The following NRG3 variants were observed in gnomAD, a reference collection of about 807,000 sequenced individuals.
The protein encoded by NRG3 is pro-neuregulin-3, membrane-bound isoform.
A neutral mutation model predicts 66.9 loss-of-function variants in NRG3; 31 were observed. That is an observed-to-expected ratio of 0.46 (90% confidence interval 0.35 to 0.63). The LOEUF (loss-of-function observed/expected upper bound fraction) is 0.63. Among genes scored for constraint, NRG3 ranks in the 20% least tolerant of loss-of-function variants. The probability of loss-of-function intolerance (pLI) is 0.00; values close to 1 mark genes in which losing one functional copy is unlikely to be tolerated. For missense variants in NRG3, 910 were observed against 878.9 expected (o/e 1.04, Z -0.45); for synonymous variants, 393 against 359.4 (o/e 1.09, Z -1.06).
intron 2 of NRG3, among the ~76,000 whole-genome samples, chr10:82,685,011 G>C (rs1370072045): frequency 6.6e-6 from 1 of 152,096 alleles, no homozygotes; most frequent in Non-Finnish European, 1.5e-5. Context: ...ACATGAATAT[G>C]GGAAGGGAGG....
chr10:82,939,883 T>G (rs907206890), intron 4 of NRG3, among the ~76,000 whole-genome samples: 3 of 151,612 alleles, frequency 2.0e-5, no homozygotes, highest in Admixed American at 6.6e-5. Flanking sequence ...AATTGCTGCC[T>G]CTTTTTATTG....
chr10:82,610,615 CT>C (rs1233906939), intron 2 of NRG3, among the ~76,000 whole-genome samples: 1 of 152,078 alleles, frequency 6.6e-6, no homozygotes, highest in Admixed American at 6.6e-5. Context: ...TTTTGTACCC[CT>C]AATACTTAAA....
chr10:82,757,146 A>C (rs1312202869), intron 3 of NRG3, among the ~76,000 whole-genome samples: 1 of 152,046 alleles, frequency 6.6e-6, no homozygotes, highest in East Asian at 1.9e-4. Context: ...TGTGTCTTAG[A>C]CTTATGTTTA....
At chr10:82,783,195 T>C (rs1191686560) in intron 3 of NRG3, among the ~76,000 whole-genome samples, 2 of 152,084 alleles carry the variant, frequency 1.3e-5, no homozygotes, top group East Asian at 1.9e-4. Context: ...TAGGTGTTGA[T>C]GGGACGTATC....
At position 82,652,619 on chromosome 10, in the gene NRG3, C is replaced by G. The variant is rs188505766; in HGVS notation, c.954-85958C>G. On this transcript the variant is annotated intron_variant, in intron 2 of 8. Coordinates refer to ENST00000372141, the MANE Select transcript of NRG3 (RefSeq NM_001010848.4). Reference sequence around the variant, plus strand: ...TGGGGTTTTTATAGGCAGAGGATGTCAGGTAGGGCAGGCCATGGGTGGTTT... The same window carrying G: ...TGGGGTTTTTATAGGCAGAGGATGTGAGGTAGGGCAGGCCATGGGTGGTTT... 7.9e-5 allele frequency among the ~76,000 whole-genome samples: 12 copies of G among 152,202 alleles called. No homozygotes were observed. The East Asian group carries it at 2.3e-3, about 30-fold the overall frequency.
chr10:82,545,653 T>C (rs2043848091), intron 2 of NRG3, among the ~76,000 whole-genome samples: 1 of 151,996 alleles, frequency 6.6e-6, no homozygotes, highest in African/African-American at 2.4e-5. Context: ...AGTGCTGGGA[T>C]TACAGGCGTG....
In NRG3 at chr10:82,072,033, G is replaced by A. The variant is rs533324898; in HGVS notation, c.823+195870G>A. On this transcript the variant is annotated intron_variant, in intron 1 of 8. Transcript: ENST00000372141. ...TTAATTACCTATTTGTTCTTCCAAT[G>A]GTTCTTTATATGTATATGTCTACTC... Among the ~76,000 whole-genome samples the A allele has an allele frequency of 2.6e-5, 4 of 152,180 alleles. No homozygotes were observed. In the East Asian group the frequency reaches 7.7e-4, roughly 29 times the overall value.
chr10:81,917,170 T>C (rs1020576793), intron 1 of NRG3, among the ~76,000 whole-genome samples: 1 of 152,168 alleles, frequency 6.6e-6, no homozygotes, highest in Non-Finnish European at 1.5e-5. Context: ...AGATTAAAAT[T>C]AAATTATTAA....
At chr10:82,869,659 G>A (rs537749066) in intron 4 of NRG3, among the ~76,000 whole-genome samples, 3 of 150,488 alleles carry the variant, frequency 2.0e-5, no homozygotes, top group South Asian at 4.2e-4. Flanking sequence ...CCAGGCTGGA[G>A]TGCAGTGGTG....
intron 1 of NRG3, among the ~76,000 whole-genome samples, chr10:82,300,741 T>G (rs886477071): frequency 6.6e-6 from 1 of 152,128 alleles, no homozygotes; most frequent in Non-Finnish European, 1.5e-5. Flanking sequence ...AGATTCCCAG[T>G]AGGTAGATTA....
At chr10:82,596,757 T>C (rs1590814000) in intron 2 of NRG3, among the ~76,000 whole-genome samples, 1 of 152,186 alleles carries the variant, frequency 6.6e-6, no homozygotes, top group Non-Finnish European at 1.5e-5. Context: ...TGGAGGCCAG[T>C]GTTTTGCAGT....
intron 2 of NRG3, among the ~76,000 whole-genome samples, chr10:82,595,766 A>G (rs894638319): frequency 6.6e-6 from 1 of 151,868 alleles, no homozygotes; most frequent in Non-Finnish European, 1.5e-5. Flanking sequence ...GTCTGGTGAC[A>G]GAGTGAGACT....
intron 1 of NRG3, among the ~76,000 whole-genome samples, chr10:82,196,134 G>T (rs913078637): frequency 1.3e-5 from 2 of 152,138 alleles, no homozygotes; most frequent in African/African-American, 4.8e-5. Context: ...TAAAACCCGT[G>T]CACAGTCACA....
chr10:81,992,931 T>C (rs879004867), intron 1 of NRG3, among the ~76,000 whole-genome samples: 1 of 152,210 alleles, frequency 6.6e-6, no homozygotes, highest in Admixed American at 6.5e-5. Context: ...TTGTGAGACT[T>C]GCAGTAATGA....
intron 1 of NRG3, among the ~76,000 whole-genome samples, chr10:82,208,291 A>G (rs778867928): frequency 5.3e-5 from 8 of 152,196 alleles, no homozygotes; most frequent in Admixed American, 2.6e-4. Context: ...TTTGGGAATA[A>G]TAAATAAAGA....
intron 1 of NRG3, among the ~76,000 whole-genome samples, chr10:81,958,447 T>TC (rs1235105782): frequency 6.6e-6 from 1 of 152,228 alleles, no homozygotes; most frequent in African/African-American, 2.4e-5. Flanking sequence ...CTTCACCTCT[T>TC]CCAAGTTTCC....
chr10:82,003,988 AACACACACACACACAC>A lies in NRG3; in HGVS notation c.823+127857_823+127872del, dbSNP rs746699197. Among the ~76,000 whole-genome samples the A allele has an allele frequency of 5.8e-3, 775 of 134,420 alleles. 5 individuals carry two copies. Among genetic ancestry groups the A allele is most frequent in the Non-Finnish European group, 9.1e-3 (571 of 62,580 alleles). 88.2% of individuals were successfully genotyped at this position (134,420 alleles called of 152,430 possible). On this transcript the variant is annotated intron_variant, in intron 1 of 8. Transcript: ENST00000372141. ...GGTGCTGTAAGGATACCTGACTGAAAACACACACACACACACACACACACACACACACACACACACA... is the reference window on the plus strand; with the variant it reads ...GGTGCTGTAAGGATACCTGACTGAAAACACACACACACACACACACACACA...
intron 2 of NRG3, among the ~76,000 whole-genome samples, chr10:82,605,744 G>A (rs778411653): frequency 6.6e-5 from 10 of 151,988 alleles, no homozygotes; most frequent in Non-Finnish European, 1.0e-4. Flanking sequence ...TGAGCTGGTT[G>A]CTTTCTGCTT....
At chr10:82,249,992 C>T (rs946909977) in intron 1 of NRG3, among the ~76,000 whole-genome samples, 4 of 152,148 alleles carry the variant, frequency 2.6e-5, no homozygotes, top group African/African-American at 9.7e-5. Context: ...TAGAAATGGT[C>T]TCAGGTGACC....
Sources: allele counts gnomAD v4.1 joint callset (sites outside exome capture counted in the v4.1 genomes callset), GRCh38; gene constraint gnomAD v4.1.1; transcripts MANE v1.5; gene names NCBI Gene and HGNC (gene_info 2026-07-23, HGNC 2026-07-21).